Variants in MCTP1 observed in about 807,000 individuals in gnomAD.
MCTP1 encodes the protein multiple C2 and transmembrane domain containing 1.
A neutral mutation model predicts 120.6 loss-of-function variants in MCTP1; 69 were observed. That is an observed-to-expected ratio of 0.57 (90% CI 0.47 to 0.70). MCTP1 has a LOEUF of 0.70. Ranked by LOEUF, MCTP1 falls within the 30% of genes least tolerant of loss-of-function variation. The probability of loss-of-function intolerance (pLI) is 0.00; values close to 1 mark genes in which losing one functional copy is unlikely to be tolerated. For missense variants in MCTP1, 1,203 were observed against 1,248.8 expected (o/e 0.96, Z 0.55); for synonymous variants, 529 against 493.1 (o/e 1.07, Z -0.96).
At chr5:95,081,304 T>G (rs1280997157) in intron 1 of MCTP1, 7 of 721,046 alleles carry the variant, frequency 9.7e-6, no homozygotes, top group Admixed American at 2.8e-5. Context: ...TGTATTAGAA[T>G]CTCAAATGCA....
At chr5:94,947,634 G>C (rs1448080808) in intron 3 of MCTP1, among the ~76,000 whole-genome samples, 7 of 111,450 alleles carry the variant, frequency 6.3e-5, no homozygotes, top group African/African-American at 2.4e-4. Flanking sequence ...AGAGAGACAG[G>C]GTCCAGGGTC....
At chr5:94,822,272 A>T (rs932590552) in intron 17 of MCTP1, among the ~76,000 whole-genome samples, 2 of 151,990 alleles carry the variant, frequency 1.3e-5, no homozygotes, top group Non-Finnish European at 2.9e-5. Flanking sequence ...ATATGTTCTC[A>T]TTGTTCAACT....
rs938184475 is a variant in MCTP1, at chr5:95,284,522, G to C, written c.54C>G (p.Ser18=). 106 of 1,498,010 alleles carry C rather than the reference G, an allele frequency of 7.1e-5. No individual in the cohort carries two copies. The highest frequency in any genetic ancestry group is 9.1e-5 in the Non-Finnish European group (103 of 1,132,784). 92.8% of individuals were successfully genotyped at this position (1,498,010 alleles called of 1,614,324 possible). The change falls in exon 1 of 23, where the codon TCC becomes TCG. Residue 18 remains serine (S), a synonymous_variant. Transcript: ENST00000515393. This position sits in a 1 kb window ranked among gnomAD's most constrained non-coding sequence, Gnocchi z 5.2. ...TCTTCCAGAGCCGGGCCTGGAAGGA[G>C]GAGGACGCCGCCGGCGGCTCTGGCT... is the stretch of plus-strand genomic sequence containing the variant. ...AGEPEPPAAS[S]SFQARLWKNL...
At chr5:94,995,054 G>A (rs1163849716) in intron 2 of MCTP1, among the ~76,000 whole-genome samples, 3 of 152,120 alleles carry the variant, frequency 2.0e-5, no homozygotes, top group Admixed American at 6.5e-5. Flanking sequence ...GCTTGCAGAC[G>A]GCCTATTGTG....
chr5:94,763,379 T>TCC (rs1016342409), intron 19 of MCTP1, among the ~76,000 whole-genome samples: 8 of 152,174 alleles, frequency 5.3e-5, no homozygotes, highest in African/African-American at 1.9e-4. Context: ...CCCTCGACTC[T>TCC]CCCTCCTGCA....
chr5:95,182,940 C>A (rs1042369120), intron 1 of MCTP1, among the ~76,000 whole-genome samples: 1 of 150,800 alleles, frequency 6.6e-6, no homozygotes, highest in Non-Finnish European at 1.5e-5. Context: ...GCAGGAGAAT[C>A]GCTTGAACCT....
intron 1 of MCTP1, among the ~76,000 whole-genome samples, chr5:95,226,175 C>G (rs1202621596): frequency 6.6e-6 from 1 of 152,076 alleles, no homozygotes; most frequent in Non-Finnish European, 1.5e-5. Context: ...AGTCCATTTT[C>G]CCTCCCTCTT....
chr5:95,136,325 T>C (rs1193248356), intron 1 of MCTP1, among the ~76,000 whole-genome samples: 2 of 152,230 alleles, frequency 1.3e-5, no homozygotes, highest in Non-Finnish European at 2.9e-5. Context: ...ATTCTTGTTA[T>C]CCTTTGGGCT....
At chr5:95,207,928 C>CGAGAGAGAGAGAGAGA (rs753843212) in intron 1 of MCTP1, among the ~76,000 whole-genome samples, 1 of 84,604 alleles carries the variant, frequency 1.2e-5, no homozygotes, top group African/African-American at 4.2e-5. Context: ...AATGAGCGGG[C>CGAGAGAGAGAGAGAGA]GAGAGAGAGA....
chr5:95,003,008 T>G (rs1440900169), intron 2 of MCTP1, among the ~76,000 whole-genome samples: 2 of 152,190 alleles, frequency 1.3e-5, no homozygotes, highest in African/African-American at 2.4e-5. Context: ...CTTGTGATAG[T>G]GAGTTCTTAT....
chr5:94,855,066 C>T (rs920147694), intron 17 of MCTP1, among the ~76,000 whole-genome samples: 26 of 151,898 alleles, frequency 1.7e-4, no homozygotes, highest in African/African-American at 6.0e-4. Flanking sequence ...AAACTCTAAA[C>T]AGGTGTTTGA....
chr5:95,139,399 A>T (rs1043622733), intron 1 of MCTP1, among the ~76,000 whole-genome samples: 2 of 152,250 alleles, frequency 1.3e-5, no homozygotes, highest in African/African-American at 4.8e-5. Flanking sequence ...AAATAAAAAG[A>T]TCTAAACATT....
At chr5:95,036,500 T>A (rs954827956) in intron 1 of MCTP1, among the ~76,000 whole-genome samples, 5 of 152,202 alleles carry the variant, frequency 3.3e-5, no homozygotes, top group Non-Finnish European at 7.4e-5. Flanking sequence ...CACATAGCTC[T>A]ACTTCTCTTG....
At chr5:94,830,530 C>T (rs561744252) in intron 17 of MCTP1, among the ~76,000 whole-genome samples, 1 of 152,160 alleles carries the variant, frequency 6.6e-6, no homozygotes, top group Admixed American at 6.6e-5. Context: ...TATCAATTTA[C>T]CAGCTGGAAA....
chr5:95,238,576 C>A (rs1038532599), intron 1 of MCTP1, among the ~76,000 whole-genome samples: 2 of 152,104 alleles, frequency 1.3e-5, no homozygotes, highest in Admixed American at 1.3e-4. Context: ...CCAGGACCAG[C>A]CTCAGAGAGG....
Position 95,284,089 on chromosome 5 carries a change from A to G in MCTP1, c.487T>C (p.Ser163Pro). Residue 163 changes from serine to proline, a missense_variant, in exon 1 of 23, where the codon TCA (serine) becomes CCA (proline). By Grantham distance (74) the Ser-to-Pro change is moderately conservative. Around this residue, in one of 2 missense-constraint regions of MCTP1, gnomAD observed 463 missense variants for 377.8 expected, o/e 1.23. Coordinates refer to ENST00000515393, the MANE Select transcript of MCTP1 (RefSeq NM_024717.7). This position sits in a 1 kb window ranked among gnomAD's most constrained non-coding sequence, Gnocchi z 5.2. ...PDSAPSSSSA[S>P]SSLSSSPQPP... is the part of the protein sequence containing the mutation. ...TGGGGCGAGGAGGACAGGGAGGATGAGGCGGAGGAAGAGGAAGGAGCTGAG... is the reference window on the plus strand; with the variant it reads ...TGGGGCGAGGAGGACAGGGAGGATGGGGCGGAGGAAGAGGAAGGAGCTGAG... 1 of 1,550,364 alleles carries G rather than the reference A, an allele frequency of 6.5e-7. No individual in the cohort carries two copies. The highest frequency in any genetic ancestry group is 8.7e-7 in the Non-Finnish European group (1 of 1,146,774).
intron 17 of MCTP1, among the ~76,000 whole-genome samples, chr5:94,852,185 C>T (rs1793877029): frequency 6.6e-6 from 1 of 151,856 alleles, no homozygotes; most frequent in Non-Finnish European, 1.5e-5. Context: ...TCTAAAAATA[C>T]TTTTGTTCCC....
chr5:95,077,984 TGA>T (rs1754014307), intron 1 of MCTP1, among the ~76,000 whole-genome samples: 1 of 142,856 alleles, frequency 7.0e-6, no homozygotes, highest in Non-Finnish European at 1.5e-5. Context: ...ACATGAGTCA[TGA>T]CTCAACAGAT....
intron 2 of MCTP1, among the ~76,000 whole-genome samples, chr5:95,001,723 A>G (rs975156948): frequency 1.3e-5 from 2 of 152,284 alleles, no homozygotes; most frequent in South Asian, 4.1e-4. Context: ...GTTCAAGAGA[A>G]AGCAGAGCAT....
Sources: gnomAD v4.1 joint callset for allele counts (sites outside exome capture counted in the v4.1 genomes callset) on GRCh38, gnomAD v4.1.1 for gene constraint, gnomAD v4.1.1 regional missense constraint, Gnocchi (gnomAD v3.1) non-coding constraint, MANE v1.5 for transcripts, NCBI Gene and HGNC (gene_info 2026-07-23, HGNC 2026-07-21) for gene names.